Variants in KDM3A observed in about 807,000 individuals in gnomAD.
KDM3A encodes the protein lysine-specific demethylase 3A.
In KDM3A, 60 loss-of-function variants were observed where a neutral mutation model predicts 158.0. The ratio of observed to expected loss-of-function variants is 0.38; its 90% CI spans 0.31 to 0.47. KDM3A has a LOEUF of 0.47. Among genes scored for constraint, KDM3A ranks in the 20% least tolerant of loss-of-function variants. The pLI, the probability that KDM3A is intolerant of heterozygous loss-of-function variation, is 0.99. For missense variants in KDM3A, 1,319 were observed against 1,574.3 expected, an observed-to-expected ratio of 0.84 and a Z score of 2.74; for synonymous variants, 608 against 549.3, an observed-to-expected ratio of 1.11 and a Z score of -1.49.
Position 86,451,089 on chromosome 2 carries a change from T to C in KDM3A, c.343-14T>C. ...ACAGCAGTTATGATGCTAAAGTGTTTTCTTTTGTTTTAGACGTACAAACCT... is the reference window on the plus strand; with the variant it reads ...ACAGCAGTTATGATGCTAAAGTGTTCTCTTTTGTTTTAGACGTACAAACCT... On this transcript the variant is annotated splice_polypyrimidine_tract_variant and intron_variant, in intron 3 of 25. Coordinates refer to ENST00000312912, the MANE Select transcript of KDM3A (RefSeq NM_018433.6). 1 of 1,563,662 alleles carries C rather than the reference T, an allele frequency of 6.4e-7. No homozygotes were observed. Among genetic ancestry groups the C allele is most frequent in the Non-Finnish European group, 8.7e-7 (1 of 1,150,930 alleles).
At chr2:86,486,425 A>G (rs1674183470) in intron 21 of KDM3A, among the ~76,000 whole-genome samples, 8 of 152,232 alleles carry the variant, frequency 5.3e-5, no homozygotes, top group Admixed American at 4.6e-4. Context: ...TTTCATCATC[A>G]TTATAACTGA....
chr2:86,453,807 T>C (rs1259170469), intron 4 of KDM3A, among the ~76,000 whole-genome samples: 3 of 152,208 alleles, frequency 2.0e-5, no homozygotes, highest in Non-Finnish European at 4.4e-5. Context: ...TCTAACAGAC[T>C]AGTTATCCTT....
chr2:86,460,497 A>G (rs749636362), intron 8 of KDM3A, among the ~76,000 whole-genome samples: 1 of 152,160 alleles, frequency 6.6e-6, no homozygotes, highest in Non-Finnish European at 1.5e-5. Context: ...TGCACTTCCC[A>G]GATGTGTTGG....
At position 86,466,612 on chromosome 2, in the gene KDM3A, G is replaced by T; in HGVS notation, c.1248G>T (p.Glu416Asp). Residue 416 changes from glutamate (E) to aspartate (D), a missense_variant, in exon 10 of 26, where the codon GAG (glutamate) becomes GAT (aspartate). Around this residue, in one of 4 missense-constraint regions of KDM3A, gnomAD observed 652 missense variants for 627.2 expected, o/e 1.04. Coordinates refer to ENST00000312912, the MANE Select transcript of KDM3A (RefSeq NM_018433.6). ...AAGCATTGACTGGCCTTCCTAAGGA[G>T]TGCTTACCTACAAAGGCTTCTTCTA... Reference protein sequence around the residue: ...VPQALTGLPKECLPTKASSKA... With the variant: ...VPQALTGLPKDCLPTKASSKA... 2.5e-6 allele frequency: 4 copies of T among 1,613,944 alleles called. No individual in the cohort carries two copies. The South Asian group carries it at 3.3e-5, about 13-fold the overall frequency.
In KDM3A at chr2:86,469,126, C is replaced by G. The variant is rs140979034; in HGVS notation, c.1520-1078C>G. On this transcript the variant is annotated intron_variant, in intron 10 of 25. Transcript: ENST00000312912. ...GTAGGAGTGTTTAAGGGATCAAGGA[C>G]TAACAGCATCATGTAGAAATTTACA... 2.2e-3 allele frequency among the ~76,000 whole-genome samples: 337 copies of G among 152,300 alleles called. 1 individual carries two copies. The highest frequency in any genetic ancestry group is 8.0e-3 in the African/African-American group (331 of 41,560).
chr2:86,455,757 C>A (rs1279099904), intron 5 of KDM3A, among the ~76,000 whole-genome samples: 1 of 151,604 alleles, frequency 6.6e-6, no homozygotes, highest in Non-Finnish European at 1.5e-5. Flanking sequence ...TCAAGACCAG[C>A]TTGGGCAACA....
chr2:86,442,259 A>G, intron 2 of KDM3A, 26 bp downstream of exon 2: 1 of 1,583,798 alleles, frequency 6.3e-7, no homozygotes, highest in Non-Finnish European at 8.6e-7. Context: ...GGCCTCTGCC[A>G]CCGGACGTTT....
At chr2:86,469,867 T>G (rs1329505526) in intron 10 of KDM3A, among the ~76,000 whole-genome samples, 4 of 152,210 alleles carry the variant, frequency 2.6e-5, no homozygotes, top group Admixed American at 6.5e-5. Flanking sequence ...GAGATCGAGT[T>G]TGAATTAAAT....
intron 4 of KDM3A, among the ~76,000 whole-genome samples, chr2:86,452,980 A>G (rs1293704910): frequency 6.6e-6 from 1 of 152,212 alleles, no homozygotes; most frequent in Non-Finnish European, 1.5e-5. Flanking sequence ...GCAGGGATCA[A>G]ATAACATACA....
intron 8 of KDM3A, among the ~76,000 whole-genome samples, chr2:86,462,872 T>C (rs1032175562): frequency 6.6e-6 from 1 of 152,108 alleles, no homozygotes; most frequent in African/African-American, 2.4e-5. Flanking sequence ...GCAGGCAGAT[T>C]ACTTGAGGCC....
intron 21 of KDM3A, 185 bp from the exon 22 acceptor site, chr2:86,489,133 A>C: frequency 1.6e-6 from 1 of 624,542 alleles, no homozygotes; most frequent in South Asian, 2.2e-5. Context: ...TTGGCTTCTG[A>C]GTATTCCTTC....
At position 86,480,364 on chromosome 2, in the gene KDM3A, T is replaced by G. The variant is rs1573200317; in HGVS notation, c.2512+2T>G. On this transcript the variant is annotated splice_donor_variant, in intron 16 of 25. Coordinates refer to ENST00000312912, the MANE Select transcript of KDM3A (RefSeq NM_018433.6). LOFTEE classifies it high-confidence loss of function. Reference sequence around the variant, plus strand: ...GGAATGTCAACAAGGAAAACAAGGGTGAGTGTTTCCTGCTTTTGTGTTTGT... The same window carrying G: ...GGAATGTCAACAAGGAAAACAAGGGGGAGTGTTTCCTGCTTTTGTGTTTGT... The G allele has an allele frequency of 1.2e-6, 2 of 1,607,940 alleles. No individual in the cohort carries two copies. The highest frequency in any genetic ancestry group is 8.5e-7 in the Non-Finnish European group (1 of 1,175,398).
chr2:86,464,205 A>C lies in KDM3A; in HGVS notation c.996A>C (p.Lys332Asn). The change falls in exon 9 of 26, where the codon AAA (lysine) becomes AAC (asparagine). Residue 332 changes from lysine (K) to asparagine (N), a missense_variant. Coordinates refer to ENST00000312912, the MANE Select transcript of KDM3A (RefSeq NM_018433.6). ...ACTCTCCACCTAACCTTGGAGCAAAAATTCCTCAAGGGTGAGTAGTGATTT... is the reference window on the plus strand; with the variant it reads ...ACTCTCCACCTAACCTTGGAGCAAACATTCCTCAAGGGTGAGTAGTGATTT... Reference protein sequence around the residue: ...AANSPPNLGAKIPQGCHKQSL... With the variant: ...AANSPPNLGANIPQGCHKQSL... 6.2e-7 allele frequency: 1 copy of C among 1,602,200 alleles called. No homozygotes were observed. Among genetic ancestry groups the C allele is most frequent in the Non-Finnish European group, 8.5e-7 (1 of 1,173,596 alleles).
In KDM3A at chr2:86,444,042, C is replaced by T. The variant is rs548966346; in HGVS notation, c.186+1809C>T. 1.2e-4 allele frequency among the ~76,000 whole-genome samples: 18 copies of T among 152,332 alleles called. No individual in the cohort carries two copies. The South Asian group carries it at 3.3e-3, about 28-fold the overall frequency. On this transcript the variant is annotated intron_variant, in intron 2 of 25. Transcript: ENST00000312912. ...GAGAGACTAGGCGTTCCCTTCCCTT[C>T]TGTAGCAGCAATTGAGGACCTGTTG...
chr2:86,456,380 A>G lies in KDM3A; in HGVS notation c.557-62A>G, dbSNP rs1397836201. The stretch of plus-strand genomic sequence containing the variant: ...ACTTAGGAAAAGATTGTCCTGGATG[A>G]TGTTGCTATTGGGAGATAATGCAAA... On this transcript the variant is annotated intron_variant, in intron 5 of 25. Transcript: ENST00000312912. The G allele has an allele frequency of 1.7e-5, 20 of 1,145,212 alleles. No individual in the cohort carries two copies. In the South Asian group the frequency reaches 3.3e-4, roughly 19 times the overall value. The allele number at this position is 1,145,212 out of a possible 1,614,324, so 70.9% of individuals were successfully genotyped here.
At chr2:86,467,997 GC>G (rs1357787474) in intron 10 of KDM3A, among the ~76,000 whole-genome samples, 2 of 152,172 alleles carry the variant, frequency 1.3e-5, no homozygotes, top group Non-Finnish European at 2.9e-5. Flanking sequence ...CTGTACTCTA[GC>G]CTGGGCAACA....
At chr2:86,491,744 A>T (rs369777256) in intron 25 of KDM3A, 33 of 366,742 alleles carry the variant, frequency 9.0e-5, no homozygotes, top group African/African-American at 6.8e-4. Context: ...TAAGGGAAAA[A>T]TGATAAAAGC....
At chr2:86,463,287 T>G (rs1250772396) in intron 8 of KDM3A, among the ~76,000 whole-genome samples, 2 of 152,208 alleles carry the variant, frequency 1.3e-5, no homozygotes, top group Non-Finnish European at 2.9e-5. Context: ...AGGAGCCTGG[T>G]GAAATGGGTG....
chr2:86,474,369 A>G (rs1673550101), intron 11 of KDM3A, among the ~76,000 whole-genome samples: 1 of 152,196 alleles, frequency 6.6e-6, no homozygotes, highest in Non-Finnish European at 1.5e-5. Context: ...TTAAATAGTA[A>G]TTACAAGTTG....
Sources: allele counts gnomAD v4.1 joint callset (sites outside exome capture counted in the v4.1 genomes callset), GRCh38; gene constraint gnomAD v4.1.1; regional missense constraint gnomAD v4.1.1; transcripts MANE v1.5; gene names NCBI Gene and HGNC (gene_info 2026-07-23, HGNC 2026-07-21).